DSCAM: variants seen among roughly 807,000 people sequenced by gnomAD.
DSCAM encodes the protein cell adhesion molecule DSCAM.
Under a neutral mutation model 217.7 loss-of-function variants are expected in DSCAM, and 47 were observed. That is an observed-to-expected ratio of 0.22 (90% CI 0.17 to 0.28). DSCAM has a LOEUF of 0.28. Ranked by LOEUF, DSCAM falls within the 10% of genes least tolerant of loss-of-function variation. DSCAM has a pLI of 1.00. For missense variants in DSCAM, 2,080 were observed against 2,618.3 expected (o/e 0.79, Z 4.49); for synonymous variants, 1,056 against 1,015.3 (o/e 1.04, Z -0.76).
At chr21:40,237,341 T>C (rs1168007252) in intron 11 of DSCAM, among the ~76,000 whole-genome samples, 1 of 152,110 alleles carries the variant, frequency 6.6e-6, no homozygotes, top group Non-Finnish European at 1.5e-5. Flanking sequence ...ATTAGGTATA[T>C]CTCCTAATGC....
intron 19 of DSCAM, among the ~76,000 whole-genome samples, chr21:40,126,698 G>GT (rs2090097647): frequency 6.6e-6 from 1 of 152,178 alleles, no homozygotes; most frequent in Admixed American, 6.5e-5. Context: ...GTGATTCCTT[G>GT]TTTTAAGTGA....
chr21:40,070,561 A>G (rs1350548955), intron 27 of DSCAM, among the ~76,000 whole-genome samples: 1 of 152,236 alleles, frequency 6.6e-6, no homozygotes, highest in Non-Finnish European at 1.5e-5. Context: ...CTACTCATGC[A>G]TTAACAATGT....
chr21:40,137,655 G>A (rs2090229771), intron 18 of DSCAM, among the ~76,000 whole-genome samples: 1 of 149,718 alleles, frequency 6.7e-6, no homozygotes, highest in Non-Finnish European at 1.5e-5. Context: ...ATTAACTGAA[G>A]TGTATTGTTC....
intron 8 of DSCAM, among the ~76,000 whole-genome samples, chr21:40,314,237 G>A (rs1215711059): frequency 6.6e-6 from 1 of 152,190 alleles, no homozygotes; most frequent in East Asian, 1.9e-4. Context: ...AAAGCAGTTG[G>A]GAGCTAGAAC....
chr21:40,586,182 C>T (rs2076945426), intron 3 of DSCAM, among the ~76,000 whole-genome samples: 1 of 152,234 alleles, frequency 6.6e-6, no homozygotes, highest in Non-Finnish European at 1.5e-5. Flanking sequence ...CTGTTCTTGC[C>T]ATGGGATCTC....
At chr21:40,202,850 T>C (rs527927563) in intron 11 of DSCAM, among the ~76,000 whole-genome samples, 1 of 152,366 alleles carries the variant, frequency 6.6e-6, no homozygotes, top group African/African-American at 2.4e-5. Context: ...CATATGGTTT[T>C]TTTATTTGGT....
In DSCAM at chr21:40,785,307, G is replaced by C. The variant is rs569007067; in HGVS notation, c.43+61312C>G. On this transcript the variant is annotated intron_variant, in intron 1 of 32. Coordinates refer to ENST00000400454, the MANE Select transcript of DSCAM (RefSeq NM_001389.5). ...TAATAAGAAAATACTCCCTTGTAGAGAGCTTCAGGAGCTGTAAGAGAAATT... is the reference window on the plus strand; with the variant it reads ...TAATAAGAAAATACTCCCTTGTAGACAGCTTCAGGAGCTGTAAGAGAAATT... Among the ~76,000 whole-genome samples, 9 of 152,316 alleles carry C rather than the reference G, an allele frequency of 5.9e-5. No homozygotes were observed. The East Asian group carries it at 1.4e-3, about 23-fold the overall frequency.
chr21:40,473,654 T>G (rs189430358), intron 3 of DSCAM, among the ~76,000 whole-genome samples: 1 of 152,258 alleles, frequency 6.6e-6, no homozygotes, highest in East Asian at 1.9e-4. Context: ...CCAAAATTCA[T>G]GTTGAAGTCC....
At chr21:40,814,105 G>C (rs993681106) in intron 1 of DSCAM, among the ~76,000 whole-genome samples, 1 of 152,218 alleles carries the variant, frequency 6.6e-6, no homozygotes, top group Non-Finnish European at 1.5e-5. Flanking sequence ...CCAAGAGGAA[G>C]CAGAAAGCAA....
At chr21:40,690,041 G>T (rs2090522584) in intron 3 of DSCAM, among the ~76,000 whole-genome samples, 1 of 152,288 alleles carries the variant, frequency 6.6e-6, no homozygotes, top group African/African-American at 2.4e-5. Context: ...GATGGGGGAG[G>T]GAGGCTGTCC....
At chr21:40,371,926 A>G (rs1375238188) in intron 3 of DSCAM, among the ~76,000 whole-genome samples, 1 of 152,204 alleles carries the variant, frequency 6.6e-6, no homozygotes, top group Non-Finnish European at 1.5e-5. Context: ...TAAATGGGTT[A>G]ATTTGACCTC....
chr21:40,348,686 C>G (rs142731524), intron 5 of DSCAM, among the ~76,000 whole-genome samples: 18 of 152,316 alleles, frequency 1.2e-4, no homozygotes, highest in African/African-American at 4.1e-4. Flanking sequence ...GCATGCAGTT[C>G]GTATCAGCCA....
chr21:40,255,897 C>T (rs1192302128), intron 11 of DSCAM, among the ~76,000 whole-genome samples: 1 of 152,182 alleles, frequency 6.6e-6, no homozygotes, highest in Non-Finnish European at 1.5e-5. Context: ...CTCCCAGGTC[C>T]TCCAGTAAGA....
intron 1 of DSCAM, among the ~76,000 whole-genome samples, chr21:40,773,869 AT>A (rs918142135): frequency 2.0e-5 from 3 of 152,224 alleles, no homozygotes; most frequent in African/African-American, 7.2e-5. Flanking sequence ...GGCAGGATGA[AT>A]TTAGATGTCA....
chr21:40,131,462 G>A (rs547956898), intron 19 of DSCAM, among the ~76,000 whole-genome samples: 7 of 152,202 alleles, frequency 4.6e-5, no homozygotes, highest in East Asian at 1.9e-4. Context: ...GTCTCGATCC[G>A]TCACCCAGGC....
chr21:40,736,022 G>A (rs2091059912), intron 1 of DSCAM, among the ~76,000 whole-genome samples: 1 of 152,070 alleles, frequency 6.6e-6, no homozygotes, highest in Non-Finnish European at 1.5e-5. Flanking sequence ...AAAGTCAAGG[G>A]GAACCTATGA....
chr21:40,235,466 G>A (rs1047062603), intron 11 of DSCAM, among the ~76,000 whole-genome samples: 1 of 152,106 alleles, frequency 6.6e-6, no homozygotes, highest in African/African-American at 2.4e-5. Flanking sequence ...CTGCTACTTC[G>A]GTCTGTGTAG....
At chr21:40,684,016 G>A (rs1449402030) in intron 3 of DSCAM, among the ~76,000 whole-genome samples, 1 of 151,712 alleles carries the variant, frequency 6.6e-6, no homozygotes, top group Non-Finnish European at 1.5e-5. Context: ...CACGAGGTCA[G>A]GAGATCGAGA....
Position 40,276,212 on chromosome 21 carries a change from G to A in DSCAM, c.2241C>T (p.Ser747=), listed in dbSNP as rs765339900. 9 of 1,613,076 alleles carry A rather than the reference G, an allele frequency of 5.6e-6. No homozygotes were observed. The highest frequency in any genetic ancestry group is 1.3e-5 in the African/African-American group (1 of 74,886). The change falls in exon 11 of 33, where the codon AGC becomes AGT. Residue 747 remains serine, a synonymous_variant. Transcript: ENST00000400454. ...IALNGRIQVL[S]NGSLLIKHVV... ...CATGCTTGATCAGCAACGACCCATT[G>A]CTGAGAACTTGGATTCGGCCATTTA...
Sources: gnomAD v4.1 joint callset for allele counts (sites outside exome capture counted in the v4.1 genomes callset) on GRCh38, gnomAD v4.1.1 for gene constraint, MANE v1.5 for transcripts, NCBI Gene and HGNC (gene_info 2026-07-23, HGNC 2026-07-21) for gene names.